The following ZFHX3 variants were observed in gnomAD, a reference collection of about 807,000 sequenced individuals.
ZFHX3 encodes zinc finger homeobox protein 3.
ZFHX3 carries 42 observed loss-of-function variants against 279.1 expected under a neutral mutation model. That is an observed-to-expected ratio of 0.15 (90% confidence interval 0.12 to 0.19). The LOEUF is 0.19. Ranked by LOEUF, ZFHX3 falls within the 10% of genes least tolerant of loss-of-function variation. The pLI is 1.00. For synonymous variants in ZFHX3, 2,293 were observed against 1,957.8 expected (o/e 1.17, Z -4.52); for missense variants, 4,981 against 4,754.0 (o/e 1.05, Z -1.40).
Position 72,950,751 on chromosome 16 carries a change from C to T in ZFHX3, c.2934G>A (p.Ala978=), listed in dbSNP as rs371914920. 7.8e-5 allele frequency: 126 copies of T among 1,614,098 alleles called. No individual in the cohort carries two copies. The highest frequency in any genetic ancestry group is 9.0e-5 in the Non-Finnish European group (106 of 1,180,042). ...ERSLSEDEWK[A]VMGDSYQCKL... is the part of the protein sequence containing the mutation. ...TGCACTGGTATGAGTCCCCCATCAC[C>T]GCCTTCCACTCGTCCTCCGACAGGC... is the stretch of plus-strand genomic sequence containing the variant. Residue 978 remains alanine (A), a synonymous_variant, in exon 3 of 10, where the codon GCG becomes GCA. Transcript: ENST00000268489.
chr16:73,638,115 T>C (rs189331769), intron 2 of ZFHX3, among the ~76,000 whole-genome samples: 106 of 152,348 alleles, frequency 7.0e-4, no homozygotes, highest in African/African-American at 2.3e-3. Flanking sequence ...AGTGTAGCCA[T>C]ATCCTTCAAG....
In ZFHX3 at chr16:73,581,659, C is replaced by CTTT. The variant is rs11286052; in HGVS notation, c.-1547+98518_-1547+98520dup. 2.5e-3 allele frequency among the ~76,000 whole-genome samples: 181 copies of CTTT among 73,432 alleles called. 27 individuals carry two copies. Among genetic ancestry groups the CTTT allele is most frequent in the African/African-American group, 7.3e-3 (127 of 17,476 alleles). The allele number at this position is 73,432 out of a possible 152,430, so 48.2% of individuals were successfully genotyped here. ...GTCAAGCATAAAACTTCGAATGTCT[C>CTTT]TTTTTTTTTTTTTTTTTTTTTTTTT... On this transcript the variant is annotated intron_variant, in intron 2 of 17. Transcript: ENST00000641206.
intron 2 of ZFHX3, among the ~76,000 whole-genome samples, chr16:73,656,770 A>G (rs1044423948): frequency 3.9e-5 from 6 of 152,234 alleles, no homozygotes; most frequent in African/African-American, 1.2e-4. Context: ...ACTTAGTCCT[A>G]TATACATAAA....
intron 4 of ZFHX3, among the ~76,000 whole-genome samples, chr16:72,833,683 C>G (rs2037118919): frequency 6.6e-6 from 1 of 152,130 alleles, no homozygotes; most frequent in African/African-American, 2.4e-5. Context: ...GAAGGTCATC[C>G]CCACTCCCCT....
intron 4 of ZFHX3, among the ~76,000 whole-genome samples, chr16:72,846,982 G>A (rs2037497845): frequency 1.3e-5 from 2 of 152,168 alleles, no homozygotes; most frequent in South Asian, 2.1e-4. Flanking sequence ...CCTGAGAAGA[G>A]GACAGGGCAG....
chr16:73,542,985 C>G (rs1040255739), intron 2 of ZFHX3, among the ~76,000 whole-genome samples: 10 of 152,090 alleles, frequency 6.6e-5, no homozygotes, highest in Non-Finnish European at 8.8e-5. Context: ...AAGAGAAGAT[C>G]AGATGAGCTT....
intron 1 of ZFHX3, among the ~76,000 whole-genome samples, chr16:73,715,944 A>G (rs2053410326): frequency 6.6e-6 from 1 of 151,994 alleles, no homozygotes; most frequent in South Asian, 2.1e-4. Flanking sequence ...TATTTCCTCT[A>G]CATCTTAATT....
chr16:72,980,195 C>T (rs994584595), intron 1 of ZFHX3, among the ~76,000 whole-genome samples: 4 of 152,180 alleles, frequency 2.6e-5, no homozygotes, highest in Admixed American at 6.5e-5. Flanking sequence ...TGGGTATCTT[C>T]ACACCACACT....
At chr16:73,193,017 A>T (rs1567414911) in intron 5 of ZFHX3, among the ~76,000 whole-genome samples, 1 of 152,130 alleles carries the variant, frequency 6.6e-6, no homozygotes. Context: ...TAAATGAAAT[A>T]ATGGAAGGAA....
chr16:72,927,803 C>G (rs1206833518), intron 3 of ZFHX3, among the ~76,000 whole-genome samples: 1 of 152,016 alleles, frequency 6.6e-6, no homozygotes, highest in Non-Finnish European at 1.5e-5. Flanking sequence ...TAACCACAAG[C>G]CTTTGAGTGG....
In ZFHX3 at chr16:72,797,667, C is replaced by A. The variant is rs1340237537; in HGVS notation, c.5015G>T (p.Gly1672Val). Residue 1672 changes from glycine (G) to valine (V), a missense_variant, in exon 9 of 10, where the codon GGC becomes GTC. Transcript: ENST00000268489. ...TFTTSNPSSA[G>V]IAPSSNLLSQ... is the part of the protein sequence containing the mutation. ...TAGTAAGTTAGAGCTTGGAGCAATG[C>A]CAGCACTGCTTGGATTGGAGGTGGT... 4 of 1,614,044 alleles carry A rather than the reference C, an allele frequency of 2.5e-6. No individual in the cohort carries two copies. Among genetic ancestry groups the A allele is most frequent in the African/African-American group, 2.7e-5 (2 of 74,912 alleles).
intron 4 of ZFHX3, among the ~76,000 whole-genome samples, chr16:73,278,120 A>G (rs2014351130): frequency 1.3e-5 from 2 of 152,236 alleles, no homozygotes; most frequent in Admixed American, 6.5e-5. Flanking sequence ...TGTGTCCAAA[A>G]GGGAACATTT....
chr16:73,119,709 G>A (rs1966473954), intron 7 of ZFHX3, among the ~76,000 whole-genome samples: 1 of 152,142 alleles, frequency 6.6e-6, no homozygotes, highest in African/African-American at 2.4e-5. Flanking sequence ...TTTAGAAATG[G>A]GGTCTTGCTC....
chr16:73,420,501 T>C (rs1238930961), intron 3 of ZFHX3, among the ~76,000 whole-genome samples: 2 of 152,158 alleles, frequency 1.3e-5, no homozygotes, highest in Admixed American at 1.3e-4. Context: ...CTGCTAAGCA[T>C]CCTACAATGC....
intron 3 of ZFHX3, among the ~76,000 whole-genome samples, chr16:72,917,590 G>T (rs2039473397): frequency 6.6e-6 from 1 of 152,100 alleles, no homozygotes; most frequent in Non-Finnish European, 1.5e-5. Flanking sequence ...AACATCTAGT[G>T]ACATCCAAAA....
chr16:73,271,537 C>A (rs572841605), intron 4 of ZFHX3, among the ~76,000 whole-genome samples: 4 of 152,224 alleles, frequency 2.6e-5, no homozygotes, highest in African/African-American at 9.6e-5. Context: ...AATCCCACCT[C>A]GGCCACTGAC....
intron 3 of ZFHX3, among the ~76,000 whole-genome samples, chr16:72,943,080 G>GT (rs1567596316): frequency 1.3e-5 from 2 of 152,196 alleles, no homozygotes; most frequent in African/African-American, 4.8e-5. Context: ...TCTGCAAGAC[G>GT]TAAGAGAATG....
intron 2 of ZFHX3, among the ~76,000 whole-genome samples, chr16:73,576,189 A>T (rs1458484927): frequency 6.6e-6 from 1 of 152,162 alleles, no homozygotes; most frequent in Non-Finnish European, 1.5e-5. Context: ...TTAAGCAGTG[A>T]CAGCCAGGAC....
intron 5 of ZFHX3, among the ~76,000 whole-genome samples, chr16:73,235,902 C>G (rs753199998): frequency 3.1e-4 from 47 of 152,294 alleles, no homozygotes; most frequent in Non-Finnish European, 2.6e-4. Context: ...AACTCCTGGG[C>G]TCAAGCAATC....
Sources: gnomAD v4.1 joint callset for allele counts (sites outside exome capture counted in the v4.1 genomes callset) on GRCh38, gnomAD v4.1.1 for gene constraint, MANE v1.5 for transcripts, NCBI Gene and HGNC (gene_info 2026-07-23, HGNC 2026-07-21) for gene names.